KCNMA1: variants seen among roughly 807,000 people sequenced by gnomAD.
KCNMA1 encodes potassium calcium-activated channel subfamily M alpha 1, also known as Calcium-activated potassium channel subunit alpha-1.
Under a neutral mutation model 140.0 loss-of-function variants are expected in KCNMA1, and 29 were observed. The observed-to-expected ratio is 0.21, with a 90% CI of 0.15 to 0.28. The LOEUF (loss-of-function observed/expected upper bound fraction) is 0.28. Among genes scored for constraint, KCNMA1 ranks in the 10% least tolerant of loss-of-function variants. KCNMA1 has a pLI of 1.00. For synonymous variants in KCNMA1, 612 were observed against 611.9 expected, an observed-to-expected ratio of 1.00 and a Z score of 0.00; for missense variants, 880 against 1,602.2, an observed-to-expected ratio of 0.55 and a Z score of 7.70.
chr10:77,292,929 C>T (rs77253015), intron 2 of KCNMA1, among the ~76,000 whole-genome samples: 2 of 152,244 alleles, frequency 1.3e-5, no homozygotes, highest in Non-Finnish European at 2.9e-5. Context: ...AAATTAGCAT[C>T]GAGGTGGCAG....
chr10:77,476,406 C>G (rs2098279127), intron 1 of KCNMA1, among the ~76,000 whole-genome samples: 1 of 152,148 alleles, frequency 6.6e-6, no homozygotes, highest in South Asian at 2.1e-4. Context: ...ATGCCAGCCT[C>G]TCTCCTGCTG....
rs200151850 is a variant in KCNMA1, at chr10:76,910,026, C to T, written c.3087G>A (p.Thr1029=). The part of the protein sequence containing the change: ...DDDPDTELYL[T]QPFACGTAFA... Reference sequence around the variant, plus strand: ...ATGCTGTCCCACAGGCAAAGGGCTGCGTGAGGTACAGTTCTGTATCAGGGT... The same window carrying T: ...ATGCTGTCCCACAGGCAAAGGGCTGTGTGAGGTACAGTTCTGTATCAGGGT... The change falls in exon 25 of 28, where the codon ACG becomes ACA. Residue 1029 remains threonine, a synonymous_variant. Coordinates refer to ENST00000286628, the MANE Select transcript of KCNMA1 (RefSeq NM_001161352.2). 6.6e-5 allele frequency: 106 copies of T among 1,613,868 alleles called. No individual in the cohort carries two copies. Among genetic ancestry groups the T allele is most frequent in the Admixed American group, 1.0e-4 (6 of 59,994 alleles).
At chr10:77,016,065 G>C (rs1359197245) in intron 17 of KCNMA1, among the ~76,000 whole-genome samples, 1 of 152,082 alleles carries the variant, frequency 6.6e-6, no homozygotes, top group Admixed American at 6.6e-5. Flanking sequence ...TTAGGAGCCA[G>C]CCTCTGCCTC....
downstream of KCNMA1, among the ~76,000 whole-genome samples, chr10:76,881,653 A>T (rs75138439): frequency 0.058 from 8,822 of 152,256 alleles, 303 homozygotes; most frequent in South Asian, 0.16. Flanking sequence ...TACTAGCCTG[A>T]GTACTATCAG....
At chr10:77,015,267 C>T (rs1312999978) in intron 17 of KCNMA1, among the ~76,000 whole-genome samples, 5 of 152,148 alleles carry the variant, frequency 3.3e-5, no homozygotes, top group Admixed American at 2.6e-4. Flanking sequence ...CCACCTTGAC[C>T]CCCCGGGTGC....
intron 18 of KCNMA1, among the ~76,000 whole-genome samples, chr10:77,006,458 A>G (rs193249441): frequency 5.9e-5 from 9 of 152,318 alleles, no homozygotes; most frequent in African/African-American, 1.9e-4. Context: ...CGGAAGAAAA[A>G]GTCCACCAGG....
intron 15 of KCNMA1, among the ~76,000 whole-genome samples, chr10:77,036,447 G>A (rs1594377639): frequency 6.6e-6 from 1 of 152,136 alleles, no homozygotes; most frequent in East Asian, 1.9e-4. Context: ...ATCCCACCCT[G>A]CAAGGGAGCA....
At chr10:77,139,957 A>T (rs1475554200) in intron 5 of KCNMA1, among the ~76,000 whole-genome samples, 1 of 152,232 alleles carries the variant, frequency 6.6e-6, no homozygotes, top group African/African-American at 2.4e-5. Flanking sequence ...ACTCACTGAA[A>T]ATTATTGCCA....
intron 23 of KCNMA1, among the ~76,000 whole-genome samples, chr10:76,936,176 T>A (rs539965177): frequency 6.6e-6 from 1 of 152,346 alleles, no homozygotes; most frequent in South Asian, 2.1e-4. Flanking sequence ...ATGAGATTCA[T>A]CTTGGGATGT....
intron 9 of KCNMA1, among the ~76,000 whole-genome samples, chr10:77,106,947 C>A (rs555792279): frequency 6.6e-6 from 1 of 152,300 alleles, no homozygotes; most frequent in East Asian, 1.9e-4. Flanking sequence ...AAGACGCCAA[C>A]TGGCCTCCTC....
At chr10:76,881,576 A>C (rs1297700791), downstream of KCNMA1, among the ~76,000 whole-genome samples, 1 of 152,150 alleles carries the variant, frequency 6.6e-6, no homozygotes, top group Non-Finnish European at 1.5e-5. Flanking sequence ...TAGGTAACTA[A>C]AGAGTGCTCA....
At chr10:77,394,450 G>T (rs1412324983) in intron 2 of KCNMA1, among the ~76,000 whole-genome samples, 1 of 152,224 alleles carries the variant, frequency 6.6e-6, no homozygotes, top group African/African-American at 2.4e-5. Context: ...TCCTCTTGGG[G>T]GTAAGGCTTA....
chr10:77,477,759 G>A (rs2098309262), intron 1 of KCNMA1, among the ~76,000 whole-genome samples: 1 of 152,208 alleles, frequency 6.6e-6, no homozygotes, highest in Non-Finnish European at 1.5e-5. Flanking sequence ...TCAATGCCCT[G>A]AACACGATTC....
chr10:77,573,836 CTTTTT>C (rs71028290), intron 1 of KCNMA1, among the ~76,000 whole-genome samples: 2,121 of 133,706 alleles, frequency 0.016, 61 homozygotes, highest in African/African-American at 0.054. Flanking sequence ...TTATAATACT[CTTTTT>C]TTTTTTTTTT....
chr10:77,213,126 A>G (rs925471521), intron 3 of KCNMA1, among the ~76,000 whole-genome samples: 1 of 152,184 alleles, frequency 6.6e-6, no homozygotes, highest in Admixed American at 6.5e-5. Context: ...TAGAATGTGC[A>G]ATAATAACAG....
intron 2 of KCNMA1, among the ~76,000 whole-genome samples, chr10:77,336,624 T>C (rs140199348): frequency 5.2e-4 from 79 of 152,330 alleles, no homozygotes; most frequent in African/African-American, 1.9e-3. Context: ...ATTTTAATAA[T>C]ACCAAATTCT....
intron 1 of KCNMA1, among the ~76,000 whole-genome samples, chr10:77,539,015 A>T (rs2154554543): frequency 6.6e-6 from 1 of 152,234 alleles, no homozygotes. Context: ...ACGGTCCTAC[A>T]TCTACCCAAG....
chr10:76,940,190 C>T (rs575235704), intron 23 of KCNMA1, among the ~76,000 whole-genome samples: 1 of 152,338 alleles, frequency 6.6e-6, no homozygotes, highest in South Asian at 2.1e-4. Context: ...GATATGCCAC[C>T]TTTTCTGTAA....
chr10:77,473,839 C>T (rs1021469152), intron 1 of KCNMA1, among the ~76,000 whole-genome samples: 2 of 152,178 alleles, frequency 1.3e-5, no homozygotes, highest in Non-Finnish European at 2.9e-5. Context: ...TCCTTAATAA[C>T]GTGTCACCAT....
Sources: allele counts gnomAD v4.1 joint callset (sites outside exome capture counted in the v4.1 genomes callset), GRCh38; gene constraint gnomAD v4.1.1; transcripts MANE v1.5; gene names NCBI Gene and HGNC (gene_info 2026-07-23, HGNC 2026-07-21).